Variants in LPCAT3 observed in about 807,000 individuals in gnomAD.
The protein encoded by LPCAT3 is lysophospholipid acyltransferase 5.
A neutral mutation model predicts 63.4 loss-of-function variants in LPCAT3; 21 were observed. That is an observed-to-expected ratio of 0.33 (90% confidence interval 0.23 to 0.48). The LOEUF (loss-of-function observed/expected upper bound fraction) is 0.48. Ranked by LOEUF, LPCAT3 falls within the 20% of genes least tolerant of loss-of-function variation. The probability of loss-of-function intolerance (pLI) is 0.99; values close to 1 mark genes in which losing one functional copy is unlikely to be tolerated. For synonymous variants in LPCAT3, 242 were observed against 227.5 expected, an observed-to-expected ratio of 1.06 and a Z score of -0.58; for missense variants, 451 against 590.6, an observed-to-expected ratio of 0.76 and a Z score of 2.45.
chr12:6,977,703 G>C lies in LPCAT3; in HGVS notation c.1083C>G (p.Leu361=), dbSNP rs1555153488. The change falls in exon 10 of 13, where the codon CTC becomes CTG. Residue 361 remains leucine (L), a synonymous_variant. Coordinates refer to ENST00000261407, the MANE Select transcript of LPCAT3 (RefSeq NM_005768.6). This position sits in a 1 kb window ranked among gnomAD's most constrained non-coding sequence, Gnocchi z 4.5. ...GGAATAGCAACGAGAGACCCTGAGA[G>C]AGTTCTTTATTTCCAAGGAACTTGA... The part of the protein sequence containing the change: ...KRLKFLGNKE[L]SQGLSLLFLA... 2.5e-6 allele frequency: 4 copies of C among 1,614,240 alleles called. No homozygotes were observed. Among genetic ancestry groups the C allele is most frequent in the African/African-American group, 1.3e-5 (1 of 75,070 alleles).
intron 1 of LPCAT3, among the ~76,000 whole-genome samples, chr12:6,996,402 G>A (rs1343587845): frequency 2.6e-5 from 4 of 152,010 alleles, no homozygotes; most frequent in African/African-American, 9.7e-5. Flanking sequence ...CACACTTCTT[G>A]TTCTTCTTTC....
chr12:6,981,990 T>A, intron 3 of LPCAT3, 86 bp from the exon 4 acceptor site: 1 of 766,964 alleles, frequency 1.3e-6, no homozygotes, highest in Non-Finnish European at 2.3e-6. Flanking sequence ...CCTTTTTCCT[T>A]TCTCCTCATC....
intron 1 of LPCAT3, among the ~76,000 whole-genome samples, chr12:7,013,576 G>A (rs782278420): frequency 1.3e-5 from 2 of 152,192 alleles, no homozygotes; most frequent in Non-Finnish European, 2.9e-5. Context: ...TGTGGGGAGT[G>A]AGTGAAGAAA....
At chr12:7,005,516 A>G (rs1946720139) in intron 1 of LPCAT3, among the ~76,000 whole-genome samples, 1 of 152,138 alleles carries the variant, frequency 6.6e-6, no homozygotes. Context: ...CTGACAAACT[A>G]TTTTCCACAA....
chr12:6,978,167 T>G, intron 9 of LPCAT3, 174 bp downstream of exon 9: 1 of 720,832 alleles, frequency 1.4e-6, no homozygotes, highest in Non-Finnish European at 2.3e-6. Flanking sequence ...AATATGACAG[T>G]AATGGTTTTT....
chr12:7,012,719 C>G (rs1555157328), intron 1 of LPCAT3, among the ~76,000 whole-genome samples: 1 of 152,154 alleles, frequency 6.6e-6, no homozygotes, highest in African/African-American at 2.4e-5. Flanking sequence ...CAAGACCAGG[C>G]TTCACAACTC....
At chr12:7,006,237 A>G (rs782262568) in intron 1 of LPCAT3, among the ~76,000 whole-genome samples, 15 of 152,142 alleles carry the variant, frequency 9.9e-5, no homozygotes, top group Non-Finnish European at 1.6e-4. Flanking sequence ...GAAGTTGACC[A>G]TATGTTTTTT....
At chr12:7,000,496 G>A (rs1475245798) in intron 1 of LPCAT3, among the ~76,000 whole-genome samples, 3 of 143,486 alleles carry the variant, frequency 2.1e-5, no homozygotes, top group South Asian at 5.0e-4. Flanking sequence ...GCTGAGGCAG[G>A]AGAATGGCGT....
chr12:6,985,957 T>C (rs1416802360), intron 1 of LPCAT3, among the ~76,000 whole-genome samples: 1 of 151,964 alleles, frequency 6.6e-6, no homozygotes, highest in Non-Finnish European at 1.5e-5. Flanking sequence ...GTATTTTTAG[T>C]AGAGACGGTA....
chr12:6,978,061 C>A, intron 9 of LPCAT3: 1 of 558,602 alleles, frequency 1.8e-6, no homozygotes, highest in Non-Finnish European at 3.2e-6. Flanking sequence ...ACAAGTAAAG[C>A]TGTTGATAAA....
chr12:7,004,931 A>G (rs17788859), intron 1 of LPCAT3, among the ~76,000 whole-genome samples: 26,458 of 152,112 alleles, frequency 0.17, 3,142 homozygotes, highest in Non-Finnish European at 0.25. Flanking sequence ...TTCTTTGATC[A>G]TGCATAGTCC....
rs2138365953 is a variant in LPCAT3 at position 7,017,539 on chromosome 12, A to G, written c.151+735T>C. 6.6e-6 allele frequency among the ~76,000 whole-genome samples: 1 copy of G among 152,354 alleles called. No individual in the cohort carries two copies. Among genetic ancestry groups the G allele is most frequent in the African/African-American group, 2.4e-5 (1 of 41,588 alleles). On this transcript the variant is annotated intron_variant, in intron 1 of 12. Coordinates refer to ENST00000261407, the MANE Select transcript of LPCAT3 (RefSeq NM_005768.6). The surrounding 1 kb of genome is among the most constrained non-coding windows in gnomAD (Gnocchi z 4.1). ...GAGTGAGGATGCGGTAAAAAAGCCT[A>G]TAAACCAGTTGTAATACAGCTTGTT...
At chr12:7,005,866 CT>C (rs1377495243) in intron 1 of LPCAT3, among the ~76,000 whole-genome samples, 5 of 152,094 alleles carry the variant, frequency 3.3e-5, no homozygotes, top group African/African-American at 1.2e-4. Context: ...TGTGGGATAG[CT>C]TTTTACTTTC....
chr12:7,014,352 A>C (rs1262868709), intron 1 of LPCAT3, among the ~76,000 whole-genome samples: 2 of 152,168 alleles, frequency 1.3e-5, no homozygotes, highest in African/African-American at 4.8e-5. Flanking sequence ...TCATGGTATT[A>C]GTTACATTAA....
chr12:6,986,371 A>G (rs1360662368), intron 1 of LPCAT3, among the ~76,000 whole-genome samples: 1 of 152,122 alleles, frequency 6.6e-6, no homozygotes, highest in Non-Finnish European at 1.5e-5. Context: ...TTTCTTTTCT[A>G]TAGTTTACTT....
intron 1 of LPCAT3, among the ~76,000 whole-genome samples, chr12:7,000,170 T>A (rs1946672358): frequency 6.6e-6 from 1 of 151,964 alleles, no homozygotes; most frequent in Non-Finnish European, 1.5e-5. Flanking sequence ...TCCGCCCGCC[T>A]CAGACTCCCA....
At chr12:7,007,564 G>A (rs782186998) in intron 1 of LPCAT3, among the ~76,000 whole-genome samples, 2 of 140,330 alleles carry the variant, frequency 1.4e-5, no homozygotes, top group East Asian at 2.1e-4. Flanking sequence ...GTACGATCTC[G>A]GCTCACTGCA....
At chr12:6,998,569 G>C (rs782801486) in intron 1 of LPCAT3, among the ~76,000 whole-genome samples, 1 of 152,196 alleles carries the variant, frequency 6.6e-6, no homozygotes, top group Non-Finnish European at 1.5e-5. Flanking sequence ...TAAGTGATGG[G>C]TAACTGATTA....
chr12:6,977,191 G>C lies in LPCAT3; in HGVS notation c.1419C>G (p.His473Gln). Reference sequence around the variant, plus strand: ...TCTCTTTCCTTGGCACCATTGCTTTGTGAATATAAGGCAATATGAATAGTA... The same window carrying C: ...TCTCTTTCCTTGGCACCATTGCTTTCTGAATATAAGGCAATATGAATAGTA... ...LSLLFILPYIHKAMVPRKEKL... is the reference protein window; with the variant it reads ...LSLLFILPYIQKAMVPRKEKL... Residue 473 changes from histidine (H) to glutamine (Q), a missense_variant, in exon 12 of 13, where the codon CAC becomes CAG. His to Gln is a conservative substitution (Grantham distance 24, BLOSUM62 0). Transcript: ENST00000261407. This position sits in a 1 kb window ranked among gnomAD's most constrained non-coding sequence, Gnocchi z 4.5. The C allele has an allele frequency of 6.2e-7, 1 of 1,613,544 alleles. No homozygotes were observed. Among genetic ancestry groups the C allele is most frequent in the South Asian group, 1.1e-5 (1 of 91,060 alleles).
Sources: allele counts gnomAD v4.1 joint callset (sites outside exome capture counted in the v4.1 genomes callset), GRCh38; gene constraint gnomAD v4.1.1; non-coding constraint Gnocchi (gnomAD v3.1); transcripts MANE v1.5; gene names NCBI Gene and HGNC (gene_info 2026-07-23, HGNC 2026-07-21).